The following HMGCLL1 variants were observed in gnomAD, a reference collection of about 807,000 sequenced individuals.
The protein encoded by HMGCLL1 is 3-hydroxymethyl-3-methylglutaryl-CoA lyase, cytoplasmic.
A neutral mutation model predicts 39.1 loss-of-function variants in HMGCLL1; 36 were observed. The ratio of observed to expected loss-of-function variants is 0.92; its 90% CI spans 0.71 to 1.22. The LOEUF is 1.22. HMGCLL1 is among the 50% of genes most tolerant of loss of function. The pLI is 0.00. For missense variants in HMGCLL1, 451 were observed against 416.5 expected, an observed-to-expected ratio of 1.08 and a Z score of -0.72; for synonymous variants, 149 against 144.0, an observed-to-expected ratio of 1.03 and a Z score of -0.25.
At chr6:55,637,981 TA>T in the HMGCLL1 span, among the ~76,000 whole-genome samples, 1 of 152,114 alleles carries the variant, frequency 6.6e-6, no homozygotes. Flanking sequence ...ATGTTGAAAC[TA>T]CAAAACTCAC....
intron 6 of HMGCLL1, 33 bp from the exon 7 acceptor site, chr6:55,495,640 T>C: frequency 2.0e-6 from 3 of 1,521,678 alleles, no homozygotes; most frequent in Non-Finnish European, 2.7e-6. Context: ...AGTAAAATAA[T>C]GGAAATGAAG....
chr6:55,675,404 A>G, the HMGCLL1 span, among the ~76,000 whole-genome samples: 1 of 152,126 alleles, frequency 6.6e-6, no homozygotes, highest in Non-Finnish European at 1.5e-5. Flanking sequence ...TTACTATTAT[A>G]TGTATTATAT....
chr6:55,617,316 G>T, the HMGCLL1 span, among the ~76,000 whole-genome samples: 44 of 152,134 alleles, frequency 2.9e-4, no homozygotes, highest in African/African-American at 8.2e-4. Context: ...CAGCTCATTT[G>T]GGAAGACAAT....
chr6:55,604,450 T>C, the HMGCLL1 span, among the ~76,000 whole-genome samples: 23,167 of 152,118 alleles, frequency 0.15, 2,524 homozygotes, highest in African/African-American at 0.3. Context: ...GTTTCTCAAG[T>C]TTTCTAGCTT....
At chr6:55,535,747 A>C (rs1768981227) in intron 3 of HMGCLL1, among the ~76,000 whole-genome samples, 2 of 152,198 alleles carry the variant, frequency 1.3e-5, no homozygotes, top group South Asian at 4.1e-4. Flanking sequence ...ACTCATCTGG[A>C]TAATAATGGA....
the HMGCLL1 span, among the ~76,000 whole-genome samples, chr6:55,640,955 A>G: frequency 6.6e-6 from 1 of 151,944 alleles, no homozygotes; most frequent in African/African-American, 2.4e-5. Context: ...TCAAAACTTA[A>G]TAACTAATAA....
intron 3 of HMGCLL1, among the ~76,000 whole-genome samples, chr6:55,526,863 A>G (rs1768350412): frequency 6.6e-6 from 1 of 152,028 alleles, no homozygotes; most frequent in Non-Finnish European, 1.5e-5. Context: ...TTGAAGTAGG[A>G]GCAGAGGGCC....
intron 3 of HMGCLL1, among the ~76,000 whole-genome samples, chr6:55,531,894 T>G (rs1205687607): frequency 6.6e-6 from 1 of 152,132 alleles, no homozygotes; most frequent in Non-Finnish European, 1.5e-5. Context: ...AAAACAAGCT[T>G]AGGGCTCCTA....
the HMGCLL1 span, among the ~76,000 whole-genome samples, chr6:55,630,273 C>T: frequency 1.3e-5 from 2 of 152,098 alleles, no homozygotes; most frequent in Non-Finnish European, 2.9e-5. Flanking sequence ...GATTTGACTG[C>T]CCTCCTGGAT....
At chr6:55,511,184 G>T (rs1767439025) in intron 5 of HMGCLL1, among the ~76,000 whole-genome samples, 1 of 151,812 alleles carries the variant, frequency 6.6e-6, no homozygotes, top group Non-Finnish European at 1.5e-5. Context: ...ACAGTTAATA[G>T]AAAAATTATC....
intron 3 of HMGCLL1, among the ~76,000 whole-genome samples, chr6:55,532,462 T>C (rs1014693916): frequency 6.6e-6 from 1 of 152,030 alleles, no homozygotes; most frequent in Non-Finnish European, 1.5e-5. Flanking sequence ...CAACAAATAT[T>C]TTCCCCCATT....
At chr6:55,464,151 TTC>T (rs1764699885) in intron 7 of HMGCLL1, among the ~76,000 whole-genome samples, 1 of 152,140 alleles carries the variant, frequency 6.6e-6, no homozygotes, top group African/African-American at 2.4e-5. Flanking sequence ...GAGAATTTAA[TTC>T]TCTTAATTTA....
chr6:55,518,000 G>A (rs570776409), intron 3 of HMGCLL1, among the ~76,000 whole-genome samples: 19 of 151,996 alleles, frequency 1.3e-4, no homozygotes, highest in East Asian at 7.7e-4. Flanking sequence ...ACCAATTCCC[G>A]TCTTCTCCAA....
intron 1 of HMGCLL1, among the ~76,000 whole-genome samples, chr6:55,569,676 T>C (rs1272924023): frequency 2.0e-5 from 3 of 152,196 alleles, no homozygotes; most frequent in Non-Finnish European, 2.9e-5. Flanking sequence ...CGTTCAGTAG[T>C]GGTAGCTGTA....
chr6:55,577,858 C>G (rs1771835167), intron 1 of HMGCLL1, among the ~76,000 whole-genome samples: 1 of 152,162 alleles, frequency 6.6e-6, no homozygotes, highest in African/African-American at 2.4e-5. Context: ...TTCACCTCTA[C>G]CACTGTCATC....
At chr6:55,518,841 C>A (rs981364511) in intron 3 of HMGCLL1, among the ~76,000 whole-genome samples, 7 of 152,148 alleles carry the variant, frequency 4.6e-5, no homozygotes, top group Admixed American at 1.3e-4. Flanking sequence ...AGACCAGACA[C>A]AACCTGTCCC....
intron 3 of HMGCLL1, among the ~76,000 whole-genome samples, chr6:55,532,975 C>G (rs956818739): frequency 6.6e-6 from 1 of 151,262 alleles, no homozygotes; most frequent in African/African-American, 2.4e-5. Context: ...TATGTGGTAA[C>G]AGTAGCAATG....
intron 7 of HMGCLL1, among the ~76,000 whole-genome samples, chr6:55,448,947 C>T (rs1763969488): frequency 6.6e-6 from 1 of 152,138 alleles, no homozygotes; most frequent in African/African-American, 2.4e-5. Context: ...CACAGTGGCT[C>T]CCTCATGCCT....
chr6:55,634,772 G>T, the HMGCLL1 span, among the ~76,000 whole-genome samples: 1 of 152,088 alleles, frequency 6.6e-6, no homozygotes, highest in Non-Finnish European at 1.5e-5. Context: ...CCTCAGAAGA[G>T]AATTTTAGTC....
Sources: gnomAD v4.1 joint callset for allele counts (sites outside exome capture counted in the v4.1 genomes callset) on GRCh38, gnomAD v4.1.1 for gene constraint, MANE v1.5 for transcripts, NCBI Gene and HGNC (gene_info 2026-07-23, HGNC 2026-07-21) for gene names.